Variants in DNAJC18 observed in about 807,000 individuals in gnomAD.
The protein encoded by DNAJC18 is dnaJ homolog subfamily C member 18.
In DNAJC18, 40 loss-of-function variants were observed where a neutral mutation model predicts 48.6. The ratio of observed to expected loss-of-function variants is 0.82; its 90% CI spans 0.64 to 1.07. The LOEUF is 1.07. Among genes scored for constraint, DNAJC18 ranks in the 50% least tolerant of loss-of-function variants. DNAJC18 has a pLI of 0.00. For synonymous variants in DNAJC18, 135 were observed against 152.2 expected (o/e 0.89, Z 0.83); for missense variants, 340 against 427.7 (o/e 0.79, Z 1.81).
Position 139,412,559 on chromosome 5 carries a change from C to T in DNAJC18, c.*1589G>A. 2.5e-6 allele frequency: 1 copy of T among 395,934 alleles called. No homozygotes were observed. Among genetic ancestry groups the T allele is most frequent in the Non-Finnish European group, 4.4e-6 (1 of 224,914 alleles). The allele number at this position is 395,934 out of a possible 1,614,324, so 24.5% of individuals were successfully genotyped here. ...TACAGGCTTGAGCCAGTGCACCCGG[C>T]CGACTCTCTACCAGAAACTTTTCTT... is the stretch of plus-strand genomic sequence containing the variant. On this transcript the variant is annotated 3_prime_UTR_variant, in exon 8 of 8. Coordinates refer to ENST00000302060, the MANE Select transcript of DNAJC18 (RefSeq NM_152686.4).
Position 139,413,977 on chromosome 5 carries a change from G to T in DNAJC18, c.*171C>A, listed in dbSNP as rs904430508. The T allele has an allele frequency of 5.4e-6, 5 of 928,262 alleles. No homozygotes were observed. The highest frequency in any genetic ancestry group is 6.2e-5 in the Admixed American group (2 of 32,368). The allele number at this position is 928,262 out of a possible 1,614,324, so 57.5% of individuals were successfully genotyped here. ...GGAGCCACTCCCCAGGAAGGATCCTGTGAAGACACATCTGGCTCTCGTGCC... is the reference window on the plus strand; with the variant it reads ...GGAGCCACTCCCCAGGAAGGATCCTTTGAAGACACATCTGGCTCTCGTGCC... On this transcript the variant is annotated 3_prime_UTR_variant, in exon 8 of 8. Transcript: ENST00000302060.
chr5:139,422,262 T>C (rs1033428920), intron 6 of DNAJC18, among the ~76,000 whole-genome samples: 1 of 152,170 alleles, frequency 6.6e-6, no homozygotes, highest in Non-Finnish European at 1.5e-5. Context: ...CAAAAAGCAT[T>C]ACAAGGAATT....
At chr5:139,437,958 C>T (rs1757188454) in intron 1 of DNAJC18, among the ~76,000 whole-genome samples, 1 of 152,202 alleles carries the variant, frequency 6.6e-6, no homozygotes, top group Non-Finnish European at 1.5e-5. Context: ...GTCCAACCCG[C>T]GGCCCACAGG....
At chr5:139,428,787 AC>A (rs1759283162) in intron 2 of DNAJC18, 104 bp from the exon 3 acceptor site, 11 of 1,369,488 alleles carry the variant, frequency 8.0e-6, no homozygotes, top group Non-Finnish European at 9.8e-6. Flanking sequence ...CCCAAAACAA[AC>A]CTATAAGAAA....
At chr5:139,437,307 C>G (rs1227537089) in intron 2 of DNAJC18, 65 bp downstream of exon 2, 2 of 1,502,034 alleles carry the variant, frequency 1.3e-6, no homozygotes, top group East Asian at 4.7e-5. Flanking sequence ...ACTTACATAG[C>G]ACATCCAGGC....
At chr5:139,434,079 C>T (rs749646146) in intron 2 of DNAJC18, among the ~76,000 whole-genome samples, 9 of 151,846 alleles carry the variant, frequency 5.9e-5, no homozygotes, top group Admixed American at 1.3e-4. Context: ...TTAGTAGAGA[C>T]GGAGTTTTGC....
In DNAJC18 at chr5:139,422,786, G is replaced by A. The variant is rs770852589; in HGVS notation, c.701C>T (p.Pro234Leu). ...TTYSAFIQLL[P>L]VLVIVIISVI... ...AGATATAATCACAATCACAAGAACT[G>A]GAAGTAGCTGAATAAATGCAGAATA... Residue 234 changes from proline (P) to leucine (L), a missense_variant, in exon 6 of 8, where the codon CCA becomes CTA. Coordinates refer to ENST00000302060, the MANE Select transcript of DNAJC18 (RefSeq NM_152686.4). The A allele has an allele frequency of 2.5e-6, 4 of 1,608,994 alleles. No individual in the cohort carries two copies. The highest frequency in any genetic ancestry group is 8.5e-7 in the Non-Finnish European group (1 of 1,178,454).
intron 2 of DNAJC18, among the ~76,000 whole-genome samples, chr5:139,431,950 C>T (rs1356200826): frequency 6.6e-6 from 1 of 152,162 alleles, no homozygotes; most frequent in Non-Finnish European, 1.5e-5. Context: ...AACAAGTTTA[C>T]ATATGCTTAC....
At chr5:139,437,309 C>T in intron 2 of DNAJC18, 63 bp downstream of exon 2, 1 of 1,511,502 alleles carries the variant, frequency 6.6e-7, no homozygotes, top group Non-Finnish European at 8.9e-7. Flanking sequence ...TTACATAGCA[C>T]ATCCAGGCAC....
chr5:139,435,737 C>G (rs1166472788), intron 2 of DNAJC18, among the ~76,000 whole-genome samples: 2 of 8,342 alleles, frequency 2.4e-4, no homozygotes, highest in Admixed American at 2.6e-3. Flanking sequence ...TTTTTTCAGA[C>G]AAGGTCTCCC....
At chr5:139,420,296 C>A in intron 6 of DNAJC18, 71 bp from the exon 7 acceptor site, 1 of 1,387,438 alleles carries the variant, frequency 7.2e-7, no homozygotes, top group Non-Finnish European at 9.7e-7. Flanking sequence ...ACTGCCCTCA[C>A]AGATATCATC....
chr5:139,420,674 C>A (rs774054705), intron 6 of DNAJC18, among the ~76,000 whole-genome samples: 1 of 151,274 alleles, frequency 6.6e-6, no homozygotes, highest in Non-Finnish European at 1.5e-5. Context: ...ATATTTTGGA[C>A]ATGATAAAAA....
Position 139,412,405 on chromosome 5 carries a change from C to T in DNAJC18, c.*1743G>A, listed in dbSNP as rs187812222. On this transcript the variant is annotated 3_prime_UTR_variant, in exon 8 of 8. Coordinates refer to ENST00000302060, the MANE Select transcript of DNAJC18 (RefSeq NM_152686.4). ...CCTCCCGAGTAGCTGGGACTACAGG[C>T]ATGTGCCACCACACCTGGCTAATTT... 1.1e-4 allele frequency: 27 copies of T among 236,644 alleles called. 1 individual carries two copies. The Admixed American group carries it at 1.3e-3, about 11-fold the overall frequency. The allele number at this position is 236,644 out of a possible 1,614,324, so 14.7% of individuals were successfully genotyped here.
intron 2 of DNAJC18, among the ~76,000 whole-genome samples, chr5:139,431,827 A>G (rs1759333920): frequency 6.6e-6 from 1 of 152,204 alleles, no homozygotes; most frequent in East Asian, 1.9e-4. Flanking sequence ...AAAGGTTCCA[A>G]TTTATCTGCT....
intron 7 of DNAJC18, among the ~76,000 whole-genome samples, chr5:139,414,792 C>T (rs1352471120): frequency 6.6e-6 from 1 of 152,262 alleles, no homozygotes; most frequent in Admixed American, 6.5e-5. Context: ...ATTCCCTCAC[C>T]ACACGTAGGG....
At chr5:139,432,708 G>A (rs983325751) in intron 2 of DNAJC18, among the ~76,000 whole-genome samples, 1 of 152,202 alleles carries the variant, frequency 6.6e-6, no homozygotes, top group Non-Finnish European at 1.5e-5. Context: ...TATCAATGGA[G>A]CCAGTCCAGA....
Position 139,414,056 on chromosome 5 carries a change from A to G in DNAJC18, c.*92T>C. On this transcript the variant is annotated 3_prime_UTR_variant, in exon 8 of 8. Coordinates refer to ENST00000302060, the MANE Select transcript of DNAJC18 (RefSeq NM_152686.4). ...GAAGTTAGCAAATAGTAAAGTGTTCATCATTACCTAGTTTTGTATTATAAA... is the reference window on the plus strand; with the variant it reads ...GAAGTTAGCAAATAGTAAAGTGTTCGTCATTACCTAGTTTTGTATTATAAA... The G allele has an allele frequency of 6.6e-7, 1 of 1,520,944 alleles. No homozygotes were observed. Among genetic ancestry groups the G allele is most frequent in the East Asian group, 2.3e-5 (1 of 42,658 alleles). 94.2% of individuals were successfully genotyped at this position (1,520,944 alleles called of 1,614,324 possible).
At position 139,412,672 on chromosome 5, in the gene DNAJC18, C is replaced by T; in HGVS notation, c.*1476G>A. 2.5e-6 allele frequency: 1 copy of T among 398,720 alleles called. No individual in the cohort carries two copies. The highest frequency in any genetic ancestry group is 3.6e-5 in the East Asian group (1 of 28,088). 24.7% of individuals were successfully genotyped at this position (398,720 alleles called of 1,614,324 possible). A position where few individuals can be genotyped will look rare whatever the true frequency, so the allele number is the denominator to read the frequency against. ...TCATGATAATTCAGGCAGCTCAGCT[C>T]CACAGGAAGGCCCAGAACCACACAG... On this transcript the variant is annotated 3_prime_UTR_variant, in exon 8 of 8. Coordinates refer to ENST00000302060, the MANE Select transcript of DNAJC18 (RefSeq NM_152686.4).
At chr5:139,416,240 T>C (rs1759067420) in intron 7 of DNAJC18, among the ~76,000 whole-genome samples, 1 of 152,174 alleles carries the variant, frequency 6.6e-6, no homozygotes, top group African/African-American at 2.4e-5. Context: ...TTAAAAAAAA[T>C]TTTGGGGAGT....
Sources: allele counts gnomAD v4.1 joint callset (sites outside exome capture counted in the v4.1 genomes callset), GRCh38; gene constraint gnomAD v4.1.1; transcripts MANE v1.5; gene names NCBI Gene and HGNC (gene_info 2026-07-23, HGNC 2026-07-21).